The following METTL15 variants were observed in gnomAD, a reference collection of about 807,000 sequenced individuals.
METTL15 encodes the protein methyltransferase 15, mitochondrial 12S rRNA N4-cytidine.
METTL15 carries 34 observed loss-of-function variants against 38.3 expected under a neutral mutation model. The observed-to-expected ratio is 0.89, with a 90% CI of 0.68 to 1.18. The LOEUF (loss-of-function observed/expected upper bound fraction) is 1.18. Among genes scored for constraint, METTL15 ranks in the 50% most tolerant of loss-of-function variants. The pLI is 0.00. For synonymous variants in METTL15, 162 were observed against 170.9 expected, an observed-to-expected ratio of 0.95 and a Z score of 0.41; for missense variants, 438 against 498.4, an observed-to-expected ratio of 0.88 and a Z score of 1.15.
intron 6 of METTL15, among the ~76,000 whole-genome samples, chr11:28,466,811 A>G (rs2133460020): frequency 6.6e-6 from 1 of 152,274 alleles, no homozygotes; most frequent in East Asian, 1.9e-4. Context: ...TGGTCAAAAC[A>G]GAAGCATTTA....
intron 3 of METTL15, among the ~76,000 whole-genome samples, chr11:28,170,185 CGGAGCTGTGATCCCAGAGCACA>C (rs1357984384): frequency 1.3e-5 from 2 of 152,142 alleles, no homozygotes; most frequent in African/African-American, 4.8e-5. Flanking sequence ...AACCAAGTCA[CGGAGCTGTGATCCCAGAGCACA>C]GGATGGGGAC....
chr11:28,502,829 T>A (rs185941985), intron 6 of METTL15, among the ~76,000 whole-genome samples: 21 of 152,222 alleles, frequency 1.4e-4, no homozygotes, highest in African/African-American at 4.8e-4. Flanking sequence ...GGTCTTCTGT[T>A]CTCTTTGCTA....
intron 3 of METTL15, among the ~76,000 whole-genome samples, chr11:28,347,217 T>A (rs2133358513): frequency 2.0e-5 from 3 of 152,292 alleles, no homozygotes; most frequent in Admixed American, 2.0e-4. Context: ...TGAAGTGCAG[T>A]CTTGTGTTGC....
At chr11:28,494,804 C>A (rs1035988733) in intron 6 of METTL15, among the ~76,000 whole-genome samples, 8 of 152,194 alleles carry the variant, frequency 5.3e-5, no homozygotes, top group Admixed American at 2.6e-4. Flanking sequence ...CTTTGCTCCT[C>A]ATTCACCTTC....
rs540171857 is a variant in METTL15 at position 28,130,413 on chromosome 11, T to C, written c.270+16809T>C. Among the ~76,000 whole-genome samples the C allele has an allele frequency of 2.0e-5, 3 of 152,290 alleles. No homozygotes were observed. In the South Asian group the frequency reaches 6.2e-4, roughly 32 times the overall value. On this transcript the variant is annotated intron_variant, in intron 3 of 6. Coordinates refer to ENST00000407364, the MANE Select transcript of METTL15 (RefSeq NM_001113528.2). ...AGGGTTTATAATCCAATAGGTAGGA[T>C]AGTTTGTATGCACATAACCATAATA...
At chr11:28,365,846 G>A (rs1449491229) in intron 5 of METTL15, among the ~76,000 whole-genome samples, 1 of 152,078 alleles carries the variant, frequency 6.6e-6, no homozygotes, top group East Asian at 1.9e-4. Context: ...GGCCAGGAGA[G>A]TGAGACCTTC....
At position 28,240,566 on chromosome 11, in the gene METTL15, C is replaced by T. The variant is rs1448199770; in HGVS notation, c.407+29368C>T. Among the ~76,000 whole-genome samples the T allele has an allele frequency of 2.6e-5, 4 of 152,086 alleles. No homozygotes were observed. The South Asian group carries it at 6.2e-4, about 24-fold the overall frequency. ...TTTTTGAGGTGTAGTAACAGAGATCCAGTCATATAGCAAATAGCTTGTTCT... is the reference window on the plus strand; with the variant it reads ...TTTTTGAGGTGTAGTAACAGAGATCTAGTCATATAGCAAATAGCTTGTTCT... On this transcript the variant is annotated intron_variant, in intron 4 of 6. Transcript: ENST00000407364.
intron 4 of METTL15, among the ~76,000 whole-genome samples, chr11:28,275,528 G>T (rs548311833): frequency 1.3e-5 from 2 of 151,338 alleles, no homozygotes; most frequent in Non-Finnish European, 3.0e-5. Context: ...CCAATGCAAA[G>T]AAGTACTAGT....
chr11:28,296,154 T>TA (rs1261034085), intron 5 of METTL15, among the ~76,000 whole-genome samples: 4 of 152,280 alleles, frequency 2.6e-5, no homozygotes, highest in Admixed American at 2.0e-4. Context: ...TGTCCTTTGT[T>TA]ACAGAAGAAT....
At chr11:28,140,814 C>T (rs754854464) in intron 3 of METTL15, among the ~76,000 whole-genome samples, 22 of 152,174 alleles carry the variant, frequency 1.4e-4, no homozygotes, top group Non-Finnish European at 3.2e-4. Context: ...GGTGTGAATT[C>T]CTTGTCGATT....
chr11:28,131,807 C>A (rs1276938977), intron 3 of METTL15, among the ~76,000 whole-genome samples: 1 of 152,134 alleles, frequency 6.6e-6, no homozygotes, highest in Non-Finnish European at 1.5e-5. Flanking sequence ...CAGCAGATTA[C>A]TTCTAATGAT....
intron 5 of METTL15, among the ~76,000 whole-genome samples, chr11:28,407,263 A>G (rs1204061945): frequency 6.6e-6 from 1 of 152,240 alleles, no homozygotes; most frequent in Non-Finnish European, 1.5e-5. Flanking sequence ...ATGGGCAGAT[A>G]TGATGAAAAC....
chr11:28,203,693 G>T (rs1012009427), intron 3 of METTL15, among the ~76,000 whole-genome samples: 1 of 152,026 alleles, frequency 6.6e-6, no homozygotes, highest in Non-Finnish European at 1.5e-5. Flanking sequence ...CCTTTGACCT[G>T]TGAAATGTGG....
chr11:28,380,128 A>G (rs112762231), intron 5 of METTL15, among the ~76,000 whole-genome samples: 1 of 149,064 alleles, frequency 6.7e-6, no homozygotes, highest in East Asian at 2.0e-4. Context: ...TAAGCAACAT[A>G]TAGTTAGATC....
intron 4 of METTL15, among the ~76,000 whole-genome samples, chr11:28,247,850 G>A (rs911672639): frequency 1.3e-5 from 2 of 151,982 alleles, no homozygotes; most frequent in African/African-American, 4.8e-5. Flanking sequence ...AAGGGTTTAG[G>A]ATCAACCATA....
chr11:28,204,894 A>G (rs1160201598), intron 3 of METTL15, among the ~76,000 whole-genome samples: 3 of 151,992 alleles, frequency 2.0e-5, no homozygotes, highest in Non-Finnish European at 4.4e-5. Flanking sequence ...ACTTAGTATT[A>G]AAATGTGAGT....
chr11:28,213,210 A>G (rs1218429420), intron 4 of METTL15, among the ~76,000 whole-genome samples: 1 of 152,220 alleles, frequency 6.6e-6, no homozygotes, highest in Admixed American at 6.5e-5. Flanking sequence ...GATAAGAACA[A>G]GGAAACAAAT....
chr11:28,366,060 CAAAT>C (rs907417706), intron 5 of METTL15, among the ~76,000 whole-genome samples: 4 of 151,902 alleles, frequency 2.6e-5, no homozygotes, highest in Non-Finnish European at 4.4e-5. Context: ...AAAAAACAAA[CAAAT>C]AAATAAATAA....
intron 4 of METTL15, among the ~76,000 whole-genome samples, chr11:28,285,790 CAAGT>C (rs1046298331): frequency 1.5e-4 from 23 of 152,182 alleles, no homozygotes; most frequent in African/African-American, 3.9e-4. Flanking sequence ...TCATATCAAG[CAAGT>C]GTTAGAAAAA....
Sources: allele counts gnomAD v4.1 joint callset (sites outside exome capture counted in the v4.1 genomes callset), GRCh38; gene constraint gnomAD v4.1.1; transcripts MANE v1.5; gene names NCBI Gene and HGNC (gene_info 2026-07-23, HGNC 2026-07-21).